SNTG1: variants seen among roughly 807,000 people sequenced by gnomAD.
The protein encoded by SNTG1 is gamma-1-syntrophin.
Under a neutral mutation model 74.7 loss-of-function variants are expected in SNTG1, and 39 were observed. That is an observed-to-expected ratio of 0.52 (90% confidence interval 0.40 to 0.68). SNTG1 has a LOEUF of 0.68. SNTG1 is among the 30% of genes least tolerant of loss of function. The pLI, the probability that SNTG1 is intolerant of heterozygous loss-of-function variation, is 0.00. For missense variants in SNTG1, 685 were observed against 609.5 expected (o/e 1.12, Z -1.30); for synonymous variants, 254 against 217.1 (o/e 1.17, Z -1.49).
At chr8:50,482,742 A>G (rs2093751621) in intron 8 of SNTG1, among the ~76,000 whole-genome samples, 1 of 152,212 alleles carries the variant, frequency 6.6e-6, no homozygotes, top group Admixed American at 6.5e-5. Flanking sequence ...ATTATGAAAC[A>G]TGAGGGGGCT....
At chr8:50,174,259 C>A (rs555294040) in intron 2 of SNTG1, among the ~76,000 whole-genome samples, 1 of 152,298 alleles carries the variant, frequency 6.6e-6, no homozygotes, top group South Asian at 2.1e-4. Flanking sequence ...TGGGTTGGTT[C>A]CAAGTCTTTG....
At position 49,912,190 on chromosome 8, in the gene SNTG1, G is replaced by T. The variant is rs543600574; in HGVS notation, c.-144G>T. 8 of 152,182 alleles carry T rather than the reference G, an allele frequency of 5.3e-5. No individual in the cohort carries two copies. The highest frequency in any genetic ancestry group is 1.2e-4 in the Non-Finnish European group (8 of 68,042). The allele number at this position is 152,182 out of a possible 1,614,324, so 9.4% of individuals were successfully genotyped here. A position where few individuals can be genotyped will look rare whatever the true frequency, so the allele number is the denominator to read the frequency against. ...GGTGGAGAGCTACTCAAAATTCTAC[G>T]TTAGAGAGACTGAAAAGACATCTAA... On this transcript the variant is annotated 5_prime_UTR_variant, in exon 1 of 19. Transcript: ENST00000642720.
intron 1 of SNTG1, among the ~76,000 whole-genome samples, chr8:50,076,866 T>C (rs1355642197): frequency 6.6e-6 from 1 of 152,198 alleles, no homozygotes; most frequent in East Asian, 1.9e-4. Context: ...TATTTTAGTG[T>C]GTTTTTAAAA....
intron 1 of SNTG1, among the ~76,000 whole-genome samples, chr8:49,961,933 C>G (rs1810721361): frequency 6.6e-6 from 1 of 152,188 alleles, no homozygotes; most frequent in African/African-American, 2.4e-5. Flanking sequence ...TTTCTACTGG[C>G]TTTACAAAAG....
chr8:50,707,676 A>G (rs2095447886), intron 16 of SNTG1, among the ~76,000 whole-genome samples: 1 of 150,408 alleles, frequency 6.6e-6, no homozygotes, highest in African/African-American at 2.5e-5. Flanking sequence ...TTTGCTTCAG[A>G]TAAACTTCTC....
chr8:50,394,143 C>G, intron 2 of SNTG1, 69 bp from the exon 3 acceptor site: 1 of 1,230,626 alleles, frequency 8.1e-7, no homozygotes, highest in East Asian at 2.4e-5. Context: ...CGATTTCCTC[C>G]ACTATATTAG....
At chr8:50,531,631 T>A (rs1188164259) in intron 10 of SNTG1, among the ~76,000 whole-genome samples, 2 of 152,184 alleles carry the variant, frequency 1.3e-5, no homozygotes, top group African/African-American at 4.8e-5. Context: ...ATCCCTCTTG[T>A]CTGGATCCCC....
chr8:50,402,339 T>C lies in SNTG1; in HGVS notation c.157T>C (p.Ser53Pro), dbSNP rs760562280. ...VICVSGEPFY[S>P]GERTVTIRRQ... Reference sequence around the variant, plus strand: ...ATGTGTGTCTGGTGAGCCTTTCTATTCTGGTGTAAGTAGCTTTTTCTTCTG... The same window carrying C: ...ATGTGTGTCTGGTGAGCCTTTCTATCCTGGTGTAAGTAGCTTTTTCTTCTG... Residue 53 changes from serine to proline, a missense_variant, in exon 4 of 19, where the codon TCT becomes CCT. Physicochemically the swap from Ser to Pro is moderately conservative, Grantham distance 74. Transcript: ENST00000642720. The C allele has an allele frequency of 6.3e-7, 1 of 1,591,402 alleles. No homozygotes were observed. Among genetic ancestry groups the C allele is most frequent in the South Asian group, 1.2e-5 (1 of 85,726 alleles).
chr8:50,580,521 A>G (rs1043844768), intron 12 of SNTG1, among the ~76,000 whole-genome samples: 12 of 152,156 alleles, frequency 7.9e-5, no homozygotes, highest in African/African-American at 2.2e-4. Context: ...TATAGTTCCC[A>G]TTAGCCCAAT....
rs527658760 is a variant in SNTG1 at position 50,120,427 on chromosome 8, A to T, written c.-102-52134A>T. On this transcript the variant is annotated intron_variant, in intron 1 of 18. Coordinates refer to ENST00000642720, the MANE Select transcript of SNTG1 (RefSeq NM_018967.5). ...AACTACTACTATCCCTACTAGTACT[A>T]CTACTACCACCACCACCCTACTGAA... Among the ~76,000 whole-genome samples, 42 of 140,144 alleles carry T rather than the reference A, an allele frequency of 3.0e-4. 5 individuals carry two copies. Among genetic ancestry groups the T allele is most frequent in the African/African-American group, 1.0e-3 (40 of 38,738 alleles). The allele number at this position is 140,144 out of a possible 152,430, so 91.9% of individuals were successfully genotyped here.
At chr8:50,151,158 G>C (rs1259521191) in intron 1 of SNTG1, among the ~76,000 whole-genome samples, 1 of 152,140 alleles carries the variant, frequency 6.6e-6, no homozygotes, top group African/African-American at 2.4e-5. Context: ...ATGTGTCCAG[G>C]AATTTATCCA....
At chr8:50,639,302 A>G (rs2095057732) in intron 13 of SNTG1, among the ~76,000 whole-genome samples, 1 of 151,484 alleles carries the variant, frequency 6.6e-6, no homozygotes, top group Middle Eastern at 3.5e-3. Flanking sequence ...TTACCAGAAT[A>G]GGAAATTGTG....
chr8:50,552,699 C>T (rs1475899285), intron 11 of SNTG1, among the ~76,000 whole-genome samples: 4 of 151,900 alleles, frequency 2.6e-5, no homozygotes, highest in African/African-American at 9.7e-5. Flanking sequence ...CAATGGTAGC[C>T]AAAATAATAA....
In SNTG1 at chr8:50,147,034, A is replaced by AT. The variant is rs529584062; in HGVS notation, c.-102-25517dup. 4.4e-3 allele frequency among the ~76,000 whole-genome samples: 665 copies of AT among 149,830 alleles called. 4 individuals are homozygous for AT. Among genetic ancestry groups the AT allele is most frequent in the African/African-American group, 0.014 (573 of 40,548 alleles). On this transcript the variant is annotated intron_variant, in intron 1 of 18. Transcript: ENST00000642720. Reference sequence around the variant, plus strand: ...ACATTTTAATTAAGTCCAATTTTTAATTTTTTTTTTACCATATATCCTGTT... The same window carrying AT: ...ACATTTTAATTAAGTCCAATTTTTAATTTTTTTTTTTACCATATATCCTGTT...
chr8:50,512,238 T>A (rs113709120), intron 9 of SNTG1, among the ~76,000 whole-genome samples: 2,696 of 152,254 alleles, frequency 0.018, 95 homozygotes, highest in African/African-American at 0.062. Context: ...ATGTTTAATA[T>A]TGGCCCCCAG....
chr8:50,268,954 C>A (rs2087628965), intron 2 of SNTG1, among the ~76,000 whole-genome samples: 1 of 152,090 alleles, frequency 6.6e-6, no homozygotes, highest in African/African-American at 2.4e-5. Context: ...CCATCGCACC[C>A]AGCCTCAACC....
chr8:50,566,934 T>A (rs1016277840), intron 12 of SNTG1, among the ~76,000 whole-genome samples: 11 of 152,070 alleles, frequency 7.2e-5, no homozygotes, highest in Non-Finnish European at 1.5e-4. Context: ...CCTTATATGA[T>A]GCTGAAACAT....
intron 4 of SNTG1, among the ~76,000 whole-genome samples, chr8:50,431,649 A>G (rs1206869418): frequency 6.6e-6 from 1 of 152,208 alleles, no homozygotes; most frequent in Non-Finnish European, 1.5e-5. Flanking sequence ...CACACCAATA[A>G]GAAATGAAAA....
chr8:50,526,834 G>A (rs2130259617), intron 9 of SNTG1, among the ~76,000 whole-genome samples: 1 of 152,026 alleles, frequency 6.6e-6, no homozygotes, highest in East Asian at 1.9e-4. Flanking sequence ...ATGTTGGCCA[G>A]GATGGTCTCG....
Sources: gnomAD v4.1 joint callset for allele counts (sites outside exome capture counted in the v4.1 genomes callset) on GRCh38, gnomAD v4.1.1 for gene constraint, MANE v1.5 for transcripts, NCBI Gene and HGNC (gene_info 2026-07-23, HGNC 2026-07-21) for gene names.